LYPLA1: variants seen among roughly 807,000 people sequenced by gnomAD.
The protein encoded by LYPLA1 is lysophospholipase 1.
Under a neutral mutation model 34.0 loss-of-function variants are expected in LYPLA1, and 17 were observed. The ratio of observed to expected loss-of-function variants is 0.50; its 90% CI spans 0.34 to 0.75. LYPLA1 has a LOEUF of 0.75. Among genes scored for constraint, LYPLA1 ranks in the 30% least tolerant of loss-of-function variants. LYPLA1 has a pLI of 0.01. For missense variants in LYPLA1, 203 were observed against 288.8 expected (o/e 0.70, Z 2.15); for synonymous variants, 98 against 100.8 (o/e 0.97, Z 0.17).
chr8:54,065,764 A>G lies in LYPLA1; in HGVS notation c.151T>C (p.Tyr51His), dbSNP rs1390821586. 1.9e-6 allele frequency: 3 copies of G among 1,613,846 alleles called. No individual in the cohort carries two copies. The highest frequency in any genetic ancestry group is 2.2e-5 in the East Asian group (1 of 44,876). ...AATACTCACGCATGCGGGCAGATAT[A>G]TTTGATATGTGAACTTCTGATACCT... ...FAGIRSSHIK[Y>H]ICPHAPVRPV... The change falls in exon 3 of 9, where the codon TAT becomes CAT. Residue 51 changes from tyrosine to histidine, a missense_variant. This residue lies in a region of LYPLA1 where 75 missense variants were observed against 73.5 expected (regional missense o/e 1.02). Coordinates refer to ENST00000316963, the MANE Select transcript of LYPLA1 (RefSeq NM_006330.4).
chr8:54,063,416 G>C, intron 3 of LYPLA1, 41 bp from the exon 4 acceptor site: 1 of 1,241,652 alleles, frequency 8.1e-7, no homozygotes, highest in Non-Finnish European at 1.1e-6. Context: ...GAATAACAAA[G>C]CATAAAAACT....
At chr8:54,043,299 C>T (rs140265301), downstream of LYPLA1, 2,041 of 151,894 alleles carry the variant, frequency 0.013, 36 homozygotes, top group Non-Finnish European at 0.021. Flanking sequence ...ATTTTTGAGA[C>T]GGAGTCTCGC....
chr8:54,047,066 T>G lies in LYPLA1; in HGVS notation c.*999A>C, dbSNP rs1204202387. 3 of 152,114 alleles carry G rather than the reference T, an allele frequency of 2.0e-5. No individual in the cohort carries two copies. The highest frequency in any genetic ancestry group is 7.2e-5 in the African/African-American group (3 of 41,448). 9.4% of individuals were successfully genotyped at this position (152,114 alleles called of 1,614,324 possible). The stretch of plus-strand genomic sequence containing the variant: ...AAGATGAAATCATCTTAGAAGTTAG[T>G]TTTTAAGATCAGTCTTAAAGATATT... On this transcript the variant is annotated 3_prime_UTR_variant, in exon 9 of 9. Coordinates refer to ENST00000316963, the MANE Select transcript of LYPLA1 (RefSeq NM_006330.4).
Position 54,101,801 on chromosome 8 carries a change from G to T in LYPLA1, c.23C>A (p.Thr8Asn). The change falls in exon 1 of 9, where the codon ACC (threonine) becomes AAC (asparagine). Residue 8 changes from threonine (T) to asparagine (N), a missense_variant. Thr to Asn is a moderately conservative substitution (Grantham distance 65). This residue lies in a region of LYPLA1 where 5 missense variants were observed against 16.1 expected (regional missense o/e 0.31). Coordinates refer to ENST00000316963, the MANE Select transcript of LYPLA1 (RefSeq NM_006330.4). MCGNNMSTPLPAIVPAAR... is the reference protein window; with the variant it reads MCGNNMSNPLPAIVPAAR... ...GGCGGGCACGATGGCGGGCAGCGGG[G>T]TTGACATGTTATTGCCGCACATACA... 7.7e-7 allele frequency: 1 copy of T among 1,292,450 alleles called. No homozygotes were observed. The highest frequency in any genetic ancestry group is 9.9e-7 in the Non-Finnish European group (1 of 1,012,484). 80.1% of individuals were successfully genotyped at this position (1,292,450 alleles called of 1,614,324 possible).
intron 2 of LYPLA1, among the ~76,000 whole-genome samples, chr8:54,075,507 AC>A (rs1467594467): frequency 6.6e-6 from 1 of 152,192 alleles, no homozygotes; most frequent in East Asian, 1.9e-4. Context: ...GAACAGAGCC[AC>A]CCACCTGGGG....
intron 2 of LYPLA1, among the ~76,000 whole-genome samples, chr8:54,078,232 G>C (rs1235567661): frequency 6.6e-6 from 1 of 152,030 alleles, no homozygotes; most frequent in Non-Finnish European, 1.5e-5. Flanking sequence ...GATTACAAGC[G>C]TGAGCCACCG....
chr8:54,082,955 T>C (rs572498226), intron 2 of LYPLA1, among the ~76,000 whole-genome samples: 8 of 152,312 alleles, frequency 5.3e-5, no homozygotes, highest in Admixed American at 1.3e-4. Context: ...CTCGATCTCC[T>C]GACCTCGTGA....
chr8:54,097,995 G>C (rs1210987898), intron 2 of LYPLA1, among the ~76,000 whole-genome samples: 2 of 152,180 alleles, frequency 1.3e-5, no homozygotes, highest in African/African-American at 4.8e-5. Context: ...GGCCAAGGCG[G>C]GCAGATCGCT....
rs190138503 is a variant in LYPLA1 at position 54,075,904 on chromosome 8, A to T, written c.102-10091T>A. Among the ~76,000 whole-genome samples the T allele has an allele frequency of 2.1e-3, 316 of 152,308 alleles. 1 individual carries two copies. Among genetic ancestry groups the T allele is most frequent in the African/African-American group, 7.2e-3 (299 of 41,568 alleles). On this transcript the variant is annotated intron_variant, in intron 2 of 8. Transcript: ENST00000316963. ...GAACAGGCAGAGGTGCGGCACAATG[A>T]TTCCTATGGAATCATTATTGATTGG... is the stretch of plus-strand genomic sequence containing the variant.
chr8:54,097,302 A>G (rs1450592402), intron 2 of LYPLA1, among the ~76,000 whole-genome samples: 1 of 152,244 alleles, frequency 6.6e-6, no homozygotes, highest in Non-Finnish European at 1.5e-5. Context: ...TATACCAGAA[A>G]TGCATAAACT....
chr8:54,052,710 A>T lies in LYPLA1; in HGVS notation c.407T>A (p.Leu136Gln). 1 of 1,614,042 alleles carries T rather than the reference A, an allele frequency of 6.2e-7. No individual in the cohort carries two copies. Residue 136 changes from leucine (L) to glutamine (Q), a missense_variant, in exon 7 of 9, where the codon CTG becomes CAG. By Grantham distance (113) the Leu-to-Gln change is moderately radical. Transcript: ENST00000316963. Reference sequence around the variant, plus strand: ...GCAACTGAGTGCAGTGACACCTGCCAGTTTCTGCTGTGTGGTAAGGGCAGT... The same window carrying T: ...GCAACTGAGTGCAGTGACACCTGCCTGTTTCTGCTGTGTGGTAAGGGCAGT... ...LYTALTTQQK[L>Q]AGVTALSCWL...
intron 6 of LYPLA1, chr8:54,052,977 A>G (rs993982444): frequency 6.4e-6 from 3 of 467,934 alleles, no homozygotes; most frequent in African/African-American, 5.7e-5. Context: ...GACGAGACAT[A>G]GTTTGTACCA....
chr8:54,092,189 A>G (rs992117592), intron 2 of LYPLA1, among the ~76,000 whole-genome samples: 1 of 148,914 alleles, frequency 6.7e-6, no homozygotes, highest in African/African-American at 2.5e-5. Context: ...AGTCAGGGGG[A>G]GGAGGAGGAG....
intron 2 of LYPLA1, among the ~76,000 whole-genome samples, chr8:54,081,329 T>A (rs1256917323): frequency 6.6e-6 from 1 of 152,146 alleles, no homozygotes; most frequent in Non-Finnish European, 1.5e-5. Flanking sequence ...CTTAACCACA[T>A]AGACCCTTGT....
Position 54,101,782 on chromosome 8 carries a change from C to T in LYPLA1, c.42G>A (p.Val14=). ...NNMSTPLPAI[V]PAARKATAAV... is the part of the protein sequence containing the mutation. ...CAGCGGTGGCCTTCCGGGCGGCGGG[C>T]ACGATGGCGGGCAGCGGGGTTGACA... is the stretch of plus-strand genomic sequence containing the variant. Residue 14 remains valine (V), a synonymous_variant, in exon 1 of 9, where the codon GTG becomes GTA. Coordinates refer to ENST00000316963, the MANE Select transcript of LYPLA1 (RefSeq NM_006330.4). The T allele has an allele frequency of 1.5e-6, 2 of 1,297,568 alleles. No individual in the cohort carries two copies. Among genetic ancestry groups the T allele is most frequent in the Non-Finnish European group, 2.0e-6 (2 of 1,014,792 alleles). 80.4% of individuals were successfully genotyped at this position (1,297,568 alleles called of 1,614,324 possible).
chr8:54,096,651 G>A (rs1174749714), intron 2 of LYPLA1, among the ~76,000 whole-genome samples: 1 of 151,922 alleles, frequency 6.6e-6, no homozygotes, highest in Non-Finnish European at 1.5e-5. Context: ...GCTGAGGCAG[G>A]AGACTCACTT....
chr8:54,093,568 T>C (rs547331442), intron 2 of LYPLA1, among the ~76,000 whole-genome samples: 9 of 152,344 alleles, frequency 5.9e-5, no homozygotes, highest in East Asian at 3.9e-4. Flanking sequence ...CCTGTTTAAC[T>C]GTGAGAATGA....
intron 2 of LYPLA1, among the ~76,000 whole-genome samples, chr8:54,089,503 G>A (rs1248613264): frequency 7.2e-6 from 1 of 138,346 alleles, no homozygotes; most frequent in Non-Finnish European, 1.5e-5. Flanking sequence ...GGGGGGGGGC[G>A]GGATCTTTGA....
chr8:54,049,356 G>A (rs1805687917), intron 8 of LYPLA1, among the ~76,000 whole-genome samples: 1 of 152,094 alleles, frequency 6.6e-6, no homozygotes, highest in African/African-American at 2.4e-5. Context: ...TCTAATATGA[G>A]CTCCCAAGCA....
Sources: gnomAD v4.1 joint callset for allele counts (sites outside exome capture counted in the v4.1 genomes callset) on GRCh38, gnomAD v4.1.1 for gene constraint, gnomAD v4.1.1 regional missense constraint, MANE v1.5 for transcripts, NCBI Gene and HGNC (gene_info 2026-07-23, HGNC 2026-07-21) for gene names.